The following FRMPD3 variants were observed in gnomAD, a reference collection of about 807,000 sequenced individuals.
FRMPD3 encodes FERM and PDZ domain-containing protein 3.
A neutral mutation model predicts 97.9 loss-of-function variants in FRMPD3; 42 were observed. The observed-to-expected ratio is 0.43, with a 90% CI of 0.34 to 0.55. The LOEUF (loss-of-function observed/expected upper bound fraction) is 0.55, where lower values mean the gene tolerates loss of function less well. Among genes scored for constraint, FRMPD3 ranks in the 20% least tolerant of loss-of-function variants. The pLI is 0.03. For missense variants in FRMPD3, 1,303 were observed against 1,457.7 expected (o/e 0.89, Z 1.73); for synonymous variants, 577 against 581.1 (o/e 0.99, Z 0.10).
chrX:107,553,230 C>A (rs1272567444), intron 7 of FRMPD3, among the ~76,000 whole-genome samples: 1 of 108,986 alleles, frequency 9.2e-6, no homozygotes, highest in Admixed American at 9.8e-5. Context: ...GGAAACCCCA[C>A]ATGATAGATT....
Position 107,599,267 on chromosome X carries a change from T to TA in FRMPD3, c.2264-1024dup, listed in dbSNP as rs763839878. On this transcript the variant is annotated intron_variant, in intron 14 of 14. Transcript: ENST00000683843. The stretch of plus-strand genomic sequence containing the variant: ...CAGCCTGGGTGACAGAGTGAGACTC[T>TA]AAAAAAAAAAAAGAAGAAAAAAGAA... Among the ~76,000 whole-genome samples, 243 of 95,645 alleles carry TA rather than the reference T, an allele frequency of 2.5e-3. 1 individual carries two copies. Among genetic ancestry groups the TA allele is most frequent in the Middle Eastern group, 5.4e-3 (1 of 184 alleles). 83.1% of individuals were successfully genotyped at this position (95,645 alleles called of 115,157 possible). A position where few individuals can be genotyped will look rare whatever the true frequency, so the allele number is the denominator to read the frequency against.
chrX:107,552,442 G>A (rs1367838648), intron 6 of FRMPD3, among the ~76,000 whole-genome samples: 1 of 112,412 alleles, frequency 8.9e-6, no homozygotes, highest in Admixed American at 9.4e-5. Context: ...AACCAACACA[G>A]TGCCTGGCAC....
At chrX:107,548,907 A>G (rs1403440331) in intron 5 of FRMPD3, among the ~76,000 whole-genome samples, 1 of 111,953 alleles carries the variant, frequency 8.9e-6, no homozygotes, top group African/African-American at 3.2e-5. Context: ...ATAAATTGCT[A>G]TAGGAATGCA....
rs1921562715 is a variant in FRMPD3 at position 107,545,780 on chromosome X, T to C, written c.341T>C (p.Leu114Ser). 1 of 1,208,692 alleles carries C rather than the reference T, an allele frequency of 8.3e-7. No homozygotes were observed. ...ATCAGTGCTGCGAAGAAGGCCAAGT[T>C]GAGGTCCAATCCTGTGAAGGTTCGA... is the stretch of plus-strand genomic sequence containing the variant. Reference protein sequence around the residue: ...AFISAAKKAKLRSNPVKVRFS... With the variant: ...AFISAAKKAKSRSNPVKVRFS... Residue 114 changes from leucine to serine, a missense_variant, in exon 5 of 15, where the codon TTG becomes TCG. Transcript: ENST00000683843.
At chrX:107,515,906 G>A (rs1167200010) in intron 1 of FRMPD3, among the ~76,000 whole-genome samples, 5 of 111,399 alleles carry the variant, frequency 4.5e-5, no homozygotes, top group Non-Finnish European at 9.4e-5. Flanking sequence ...TTAAGTTTTA[G>A]GGTACATGTG....
chrX:107,548,744 T>G (rs1921726909), intron 5 of FRMPD3, among the ~76,000 whole-genome samples: 1 of 112,278 alleles, frequency 8.9e-6, no homozygotes, highest in Non-Finnish European at 1.9e-5. Context: ...TTTGGGAGGC[T>G]GAGGTAGAAG....
intron 1 of FRMPD3, chrX:107,513,012 A>G (rs1347641969): frequency 8.9e-6 from 1 of 112,485 alleles, no homozygotes; most frequent in Non-Finnish European, 1.9e-5. Flanking sequence ...TTTATTGACT[A>G]TAGCTTCAGG....
intron 3 of FRMPD3, among the ~76,000 whole-genome samples, chrX:107,532,596 A>T (rs1049571216): frequency 1.8e-5 from 2 of 112,070 alleles, no homozygotes; most frequent in Admixed American, 9.5e-5. Context: ...ATAACTCTTT[A>T]CTTCTGGTAA....
rs376759204 is a variant in FRMPD3, at chrX:107,486,089, G to T, written c.-8+36084G>T. 6.6e-4 allele frequency among the ~76,000 whole-genome samples: 74 copies of T among 112,333 alleles called. 1 individual carries two copies. In the South Asian group the frequency reaches 0.027, roughly 42 times the overall value. On this transcript the variant is annotated intron_variant, in intron 1 of 14. Transcript: ENST00000683843. The stretch of plus-strand genomic sequence containing the variant: ...CTATCAAGCTTACTTTATTCAAGCT[G>T]CATAAAATGCTGGAAAAGTAAAGAG...
chrX:107,603,598 C>G lies in FRMPD3; in HGVS notation c.*225C>G, dbSNP rs982766127. ...CTCACCCCTTCCCTGGCCTCTGGGC[C>G]TCACTGTGAGGGCAAAGGCCCCTCT... On this transcript the variant is annotated 3_prime_UTR_variant, in exon 15 of 15. Transcript: ENST00000683843. 7 of 607,960 alleles carry G rather than the reference C, an allele frequency of 1.2e-5. No homozygotes were observed. The highest frequency in any genetic ancestry group is 1.6e-5 in the Non-Finnish European group (7 of 425,118). The allele number at this position is 607,960 out of a possible 1,213,427, so 50.1% of individuals were successfully genotyped here.
intron 12 of FRMPD3, among the ~76,000 whole-genome samples, chrX:107,571,438 G>A (rs1235894989): frequency 8.9e-6 from 1 of 112,178 alleles, no homozygotes; most frequent in Non-Finnish European, 1.9e-5. Flanking sequence ...ACTGCGAGCT[G>A]CATTTGGCCC....
chrX:107,563,360 A>G (rs918717958), intron 11 of FRMPD3, among the ~76,000 whole-genome samples, 160 bp downstream of exon 11: 2 of 111,733 alleles, frequency 1.8e-5, no homozygotes, highest in African/African-American at 6.5e-5. Context: ...CAAAATGATA[A>G]AGTGGGAGGA....
intron 2 of FRMPD3, among the ~76,000 whole-genome samples, chrX:107,529,875 C>T (rs906846125): frequency 4.5e-5 from 5 of 111,788 alleles, no homozygotes; most frequent in Non-Finnish European, 9.4e-5. Context: ...AAGCAAGTCC[C>T]GCCTGTGAAA....
At chrX:107,585,239 T>A (rs1029398764) in intron 13 of FRMPD3, among the ~76,000 whole-genome samples, 2 of 111,272 alleles carry the variant, frequency 1.8e-5, no homozygotes, top group African/African-American at 3.3e-5. Flanking sequence ...TTTGGCTCTC[T>A]GCTTGTCTAT....
At chrX:107,457,053 G>A (rs921258924) in intron 1 of FRMPD3, among the ~76,000 whole-genome samples, 3 of 111,146 alleles carry the variant, frequency 2.7e-5, no homozygotes, top group African/African-American at 9.8e-5. Flanking sequence ...TGCGTGGGGT[G>A]AGGAAGAAGG....
chrX:107,597,952 G>A lies in FRMPD3; in HGVS notation c.2073G>A (p.Gln691=). Residue 691 remains glutamine (Q), a synonymous_variant, in exon 14 of 15, where the codon CAG becomes CAA. Coordinates refer to ENST00000683843, the MANE Select transcript of FRMPD3 (RefSeq NM_001388459.1). ...DDPKRRAVQS[Q]EQGRHLRGLL... ...CCAAGCGCCGGGCTGTCCAGAGCCA[G>A]GAACAAGGACGCCACCTGCGTGGGC... 1 of 1,210,875 alleles carries A rather than the reference G, an allele frequency of 8.3e-7. No homozygotes were observed. Among genetic ancestry groups the A allele is most frequent in the Non-Finnish European group, 1.1e-6 (1 of 895,434 alleles).
chrX:107,560,642 A>T, intron 9 of FRMPD3, 85 bp from the exon 10 acceptor site: 1 of 1,044,068 alleles, frequency 9.6e-7, no homozygotes, highest in East Asian at 3.3e-5. Context: ...TCTACCTCTC[A>T]GATTCAGTCA....
chrX:107,488,052 C>T (rs1414387010), intron 1 of FRMPD3, among the ~76,000 whole-genome samples: 1 of 111,747 alleles, frequency 8.9e-6, no homozygotes, highest in Non-Finnish European at 1.9e-5. Flanking sequence ...TTCTCCTCCT[C>T]TCCTCTCTGC....
chrX:107,516,966 A>G (rs1355269343), intron 1 of FRMPD3, among the ~76,000 whole-genome samples: 9 of 111,409 alleles, frequency 8.1e-5, no homozygotes, highest in Non-Finnish European at 1.7e-4. Flanking sequence ...CTATGTCCTG[A>G]ATGGTATTGC....
Sources: gnomAD v4.1 joint callset for allele counts (sites outside exome capture counted in the v4.1 genomes callset) on GRCh38, gnomAD v4.1.1 for gene constraint, MANE v1.5 for transcripts, NCBI Gene and HGNC (gene_info 2026-07-23, HGNC 2026-07-21) for gene names.